The following RALYL variants were observed in gnomAD, a reference collection of about 807,000 sequenced individuals.
The protein encoded by RALYL is RALY RNA binding protein like.
Under a neutral mutation model 35.1 loss-of-function variants are expected in RALYL, and 29 were observed. That is an observed-to-expected ratio of 0.83 (90% CI 0.61 to 1.13). The LOEUF (loss-of-function observed/expected upper bound fraction) is 1.13, where lower values mean the gene tolerates loss of function less well. Ranked by LOEUF, RALYL falls within the 50% of genes most tolerant of loss-of-function variation. The pLI is 0.00. For missense variants in RALYL, 359 were observed against 360.4 expected (o/e 1.00, Z 0.03); for synonymous variants, 120 against 127.6 (o/e 0.94, Z 0.40).
At chr8:84,691,742 T>G (rs1433982007) in intron 2 of RALYL, among the ~76,000 whole-genome samples, 3 of 151,834 alleles carry the variant, frequency 2.0e-5, no homozygotes. Context: ...AAAGGGATAT[T>G]CCAGGTAGAT....
intron 5 of RALYL, 56 bp downstream of exon 5, chr8:84,850,083 T>C: frequency 9.9e-7 from 1 of 1,010,964 alleles, no homozygotes; most frequent in Non-Finnish European, 1.4e-6. Flanking sequence ...TTTAACCATT[T>C]TGTACATTTT....
At chr8:84,824,667 A>G (rs543733166) in intron 4 of RALYL, among the ~76,000 whole-genome samples, 2 of 152,226 alleles carry the variant, frequency 1.3e-5, no homozygotes, top group African/African-American at 4.8e-5. Context: ...AAAACAGACA[A>G]TAGACCCATG....
intron 1 of RALYL, among the ~76,000 whole-genome samples, chr8:84,486,978 C>G (rs369851451): frequency 6.6e-6 from 1 of 152,100 alleles, no homozygotes. Flanking sequence ...CTGACCTGAT[C>G]TACTGTTTAA....
intron 1 of RALYL, among the ~76,000 whole-genome samples, chr8:84,486,020 T>G (rs957817941): frequency 6.7e-6 from 1 of 150,016 alleles, no homozygotes; most frequent in African/African-American, 2.4e-5. Flanking sequence ...TTTTTTTTTT[T>G]TTTTTTTTTT....
intron 2 of RALYL, among the ~76,000 whole-genome samples, chr8:84,619,281 G>A (rs1588555545): frequency 6.6e-6 from 1 of 151,812 alleles, no homozygotes; most frequent in South Asian, 2.1e-4. Context: ...GGTGCTCCGT[G>A]TTGGGTGCAT....
At chr8:84,423,539 G>T (rs1168842028) in intron 1 of RALYL, among the ~76,000 whole-genome samples, 2 of 151,874 alleles carry the variant, frequency 1.3e-5, no homozygotes, top group Admixed American at 6.6e-5. Flanking sequence ...GGAGAATTTA[G>T]TCCATTTATA....
intron 2 of RALYL, among the ~76,000 whole-genome samples, chr8:84,686,527 C>A (rs1285976811): frequency 6.6e-6 from 1 of 152,126 alleles, no homozygotes; most frequent in Non-Finnish European, 1.5e-5. Flanking sequence ...GCCTCAGCCT[C>A]CTGAGTGTTT....
chr8:84,301,037 T>C (rs1161565155), intron 1 of RALYL, among the ~76,000 whole-genome samples: 1 of 152,072 alleles, frequency 6.6e-6, no homozygotes, highest in African/African-American at 2.4e-5. Context: ...GTTTCTATAT[T>C]TAACCCCTGT....
chr8:84,725,291 C>T (rs1182854478), intron 2 of RALYL, among the ~76,000 whole-genome samples: 1 of 151,606 alleles, frequency 6.6e-6, no homozygotes, highest in Non-Finnish European at 1.5e-5. Flanking sequence ...AAAATATCAA[C>T]CAAGAATGGA....
intron 2 of RALYL, among the ~76,000 whole-genome samples, chr8:84,684,129 C>G (rs1836255452): frequency 6.6e-6 from 1 of 152,106 alleles, no homozygotes; most frequent in Non-Finnish European, 1.5e-5. Context: ...CATGACTGAG[C>G]CCTGAAGGCT....
Position 84,849,863 on chromosome 8 carries a change from A to G in RALYL, c.366-117A>G. 5.1e-6 allele frequency: 3 copies of G among 591,538 alleles called. No individual in the cohort carries two copies. In the South Asian group the frequency reaches 7.2e-5, roughly 14 times the overall value. The allele number at this position is 591,538 out of a possible 1,614,324, so 36.6% of individuals were successfully genotyped here. On this transcript the variant is annotated intron_variant, in intron 4 of 8. Coordinates refer to ENST00000521268, the MANE Select transcript of RALYL (RefSeq NM_173848.7). ...TGGAAGGTCCTTTGGATGCATAATT[A>G]TATTGAAAAATAAATATTTTAAAAG...
chr8:84,461,156 T>C (rs1395309074), intron 1 of RALYL, among the ~76,000 whole-genome samples: 2 of 151,636 alleles, frequency 1.3e-5, no homozygotes, highest in African/African-American at 2.4e-5. Flanking sequence ...CTGAGATAAT[T>C]CCTGAGACTC....
At chr8:84,692,581 T>G (rs1335970365) in intron 2 of RALYL, among the ~76,000 whole-genome samples, 1 of 152,064 alleles carries the variant, frequency 6.6e-6, no homozygotes, top group Non-Finnish European at 1.5e-5. Flanking sequence ...AAATATCTAT[T>G]TCTCACAAAT....
At chr8:84,799,242 C>T (rs908398796) in intron 3 of RALYL, among the ~76,000 whole-genome samples, 3 of 152,180 alleles carry the variant, frequency 2.0e-5, no homozygotes, top group African/African-American at 2.4e-5. Flanking sequence ...TAATTCACCA[C>T]GGTTAAGTGT....
chr8:84,916,765 A>C (rs1180518554), intron 8 of RALYL, among the ~76,000 whole-genome samples: 1 of 152,092 alleles, frequency 6.6e-6, no homozygotes, highest in Middle Eastern at 3.2e-3. Flanking sequence ...AGAATATGGT[A>C]GTTCTAATTA....
intron 2 of RALYL, among the ~76,000 whole-genome samples, chr8:84,585,483 T>C (rs1009524673): frequency 2.3e-4 from 35 of 152,168 alleles, no homozygotes; most frequent in African/African-American, 2.4e-5. Flanking sequence ...TTTTTGTTAA[T>C]AAAGGAAGTA....
chr8:84,185,049 G>A, intron 1 of RALYL: 1 of 1,611,876 alleles, frequency 6.2e-7, no homozygotes, highest in Non-Finnish European at 8.5e-7. Flanking sequence ...CTTTACCAAA[G>A]GGCTTTGCTT....
chr8:84,792,489 A>C (rs1448098968), intron 3 of RALYL, among the ~76,000 whole-genome samples: 1 of 152,138 alleles, frequency 6.6e-6, no homozygotes, highest in East Asian at 1.9e-4. Context: ...TGGAGTTTAC[A>C]TGGGTACAGG....
At chr8:84,836,709 C>G (rs1019709759) in intron 4 of RALYL, among the ~76,000 whole-genome samples, 1 of 152,086 alleles carries the variant, frequency 6.6e-6, no homozygotes, top group African/African-American at 2.4e-5. Context: ...AAACCTACAC[C>G]AACATTTTAT....
Sources: gnomAD v4.1 joint callset for allele counts (sites outside exome capture counted in the v4.1 genomes callset) on GRCh38, gnomAD v4.1.1 for gene constraint, MANE v1.5 for transcripts, NCBI Gene and HGNC (gene_info 2026-07-23, HGNC 2026-07-21) for gene names.